The following SPATA17 variants were observed in gnomAD, a reference collection of about 807,000 sequenced individuals.
The protein encoded by SPATA17 is spermatogenesis associated 17, also known as spermatogenesis-associated protein 17.
A neutral mutation model predicts 62.2 loss-of-function variants in SPATA17; 53 were observed. The ratio of observed to expected loss-of-function variants is 0.85; its 90% confidence interval spans 0.68 to 1.07. SPATA17 has a LOEUF of 1.07. SPATA17 is among the 50% of genes least tolerant of loss of function. The pLI is 0.00. For missense variants in SPATA17, 466 were observed against 425.5 expected (o/e 1.10, Z -0.84); for synonymous variants, 146 against 146.8 (o/e 0.99, Z 0.04).
chr1:217,849,277 A>G (rs1049086166), intron 9 of SPATA17, among the ~76,000 whole-genome samples: 2 of 152,236 alleles, frequency 1.3e-5, no homozygotes, highest in African/African-American at 4.8e-5. Context: ...GGTGGTTTTT[A>G]CTGTAGAAGT....
intron 1 of SPATA17, among the ~76,000 whole-genome samples, chr1:217,633,577 T>C (rs1194871625): frequency 6.6e-6 from 1 of 152,124 alleles, no homozygotes; most frequent in Non-Finnish European, 1.5e-5. Context: ...CTCTAAAACC[T>C]CCGCTGTTCA....
chr1:217,714,687 G>A (rs1399714552), intron 5 of SPATA17, among the ~76,000 whole-genome samples: 7 of 151,680 alleles, frequency 4.6e-5, no homozygotes, highest in Admixed American at 2.0e-4. Context: ...GGGTTTCACC[G>A]TGTTAGCCAG....
chr1:217,634,643 A>G (rs1013619184), intron 1 of SPATA17, among the ~76,000 whole-genome samples: 1 of 152,198 alleles, frequency 6.6e-6, no homozygotes, highest in African/African-American at 2.4e-5. Context: ...TCTTTTAACT[A>G]ATTTGTTATT....
intron 4 of SPATA17, among the ~76,000 whole-genome samples, chr1:217,674,072 C>T (rs1171358988): frequency 6.6e-6 from 1 of 152,130 alleles, no homozygotes; most frequent in Non-Finnish European, 1.5e-5. Flanking sequence ...TACATTCAGC[C>T]TCAACCTTGT....
chr1:217,764,620 C>T (rs1673253718), intron 6 of SPATA17, among the ~76,000 whole-genome samples: 1 of 152,110 alleles, frequency 6.6e-6, no homozygotes, highest in East Asian at 1.9e-4. Context: ...GATAAGAGTA[C>T]GTTTAGTTTT....
chr1:217,723,870 A>G (rs1188907376), intron 5 of SPATA17, among the ~76,000 whole-genome samples: 3 of 152,234 alleles, frequency 2.0e-5, no homozygotes, highest in Admixed American at 1.3e-4. Context: ...CAATCACCAC[A>G]GTACTAAGCA....
intron 8 of SPATA17, among the ~76,000 whole-genome samples, chr1:217,794,011 G>A (rs1012831965): frequency 3.3e-5 from 5 of 151,732 alleles, no homozygotes; most frequent in African/African-American, 9.7e-5. Flanking sequence ...AGCTACTCTG[G>A]AGGGTAAGGC....
At chr1:217,763,861 A>G (rs1412361072) in intron 6 of SPATA17, among the ~76,000 whole-genome samples, 1 of 152,154 alleles carries the variant, frequency 6.6e-6, no homozygotes, top group Non-Finnish European at 1.5e-5. Context: ...CAGGTTTTTG[A>G]CTTAAGAAGC....
intron 4 of SPATA17, among the ~76,000 whole-genome samples, chr1:217,675,344 A>G (rs1670922876): frequency 6.6e-6 from 1 of 152,188 alleles, no homozygotes; most frequent in South Asian, 2.1e-4. Flanking sequence ...AGTTTACACT[A>G]ATGTTTGTAA....
At chr1:217,807,295 A>G (rs1441958822) in intron 9 of SPATA17, among the ~76,000 whole-genome samples, 1 of 152,094 alleles carries the variant, frequency 6.6e-6, no homozygotes. Flanking sequence ...AGGGTTGAAA[A>G]ACTACCTATT....
chr1:217,760,192 G>A (rs1673138666), intron 6 of SPATA17, among the ~76,000 whole-genome samples: 1 of 152,132 alleles, frequency 6.6e-6, no homozygotes, highest in Admixed American at 6.5e-5. Context: ...TAAAGTTTGA[G>A]TGGTGATAAA....
chr1:217,639,804 T>C lies in SPATA17; in HGVS notation c.68+8358T>C, dbSNP rs566457476. 3.0e-4 allele frequency among the ~76,000 whole-genome samples: 46 copies of C among 152,128 alleles called. 1 individual carries two copies. Among genetic ancestry groups the C allele is most frequent in the African/African-American group, 9.4e-4 (39 of 41,550 alleles). ...GAGGTTCTTTTTCCAGCTTCTAATATCAATTTTTTCACCACTCTTCTGACC... is the reference window on the plus strand; with the variant it reads ...GAGGTTCTTTTTCCAGCTTCTAATACCAATTTTTTCACCACTCTTCTGACC... On this transcript the variant is annotated intron_variant, in intron 1 of 10. Coordinates refer to ENST00000366933, the MANE Select transcript of SPATA17 (RefSeq NM_138796.4).
intron 5 of SPATA17, among the ~76,000 whole-genome samples, chr1:217,716,642 C>A (rs1672010004): frequency 6.6e-6 from 1 of 152,174 alleles, no homozygotes; most frequent in African/African-American, 2.4e-5. Context: ...ACTTTAATTA[C>A]AGACATTAAA....
At chr1:217,646,142 C>A (rs186279019) in intron 1 of SPATA17, among the ~76,000 whole-genome samples, 22 of 152,222 alleles carry the variant, frequency 1.4e-4, no homozygotes, top group Admixed American at 1.4e-3. Flanking sequence ...TTGGCTTCAA[C>A]TATTAATCTC....
intron 9 of SPATA17, among the ~76,000 whole-genome samples, chr1:217,832,476 A>G (rs1410282560): frequency 6.6e-6 from 1 of 152,134 alleles, no homozygotes; most frequent in Non-Finnish European, 1.5e-5. Context: ...AGTTACATTA[A>G]TTTGTCAGAT....
At chr1:217,790,953 T>C (rs1673983199) in intron 8 of SPATA17, among the ~76,000 whole-genome samples, 1 of 152,226 alleles carries the variant, frequency 6.6e-6, no homozygotes, top group African/African-American at 2.4e-5. Flanking sequence ...TTTTGACTTG[T>C]GTAGTTTTTT....
chr1:217,830,378 T>G (rs541046798), intron 9 of SPATA17, among the ~76,000 whole-genome samples: 1 of 152,254 alleles, frequency 6.6e-6, no homozygotes, highest in South Asian at 2.1e-4. Context: ...TCATATCACT[T>G]TACATAATGT....
intron 5 of SPATA17, among the ~76,000 whole-genome samples, chr1:217,718,108 C>T (rs1672049180): frequency 6.6e-6 from 1 of 152,124 alleles, no homozygotes; most frequent in South Asian, 2.1e-4. Flanking sequence ...AAACAACTCT[C>T]CTCTCCCCCT....
chr1:217,765,952 T>G (rs1252810269), intron 6 of SPATA17, among the ~76,000 whole-genome samples: 5 of 152,078 alleles, frequency 3.3e-5, no homozygotes, highest in African/African-American at 4.8e-5. Flanking sequence ...TTAAGTCTGC[T>G]GTACCTGAAA....
Sources: allele counts gnomAD v4.1 joint callset (sites outside exome capture counted in the v4.1 genomes callset), GRCh38; gene constraint gnomAD v4.1.1; transcripts MANE v1.5; gene names NCBI Gene and HGNC (gene_info 2026-07-23, HGNC 2026-07-21).